The following CACNB2 variants were observed in gnomAD, a reference collection of about 807,000 sequenced individuals.
CACNB2 encodes the protein voltage-dependent L-type calcium channel subunit beta-2.
In CACNB2, 42 loss-of-function variants were observed where a neutral mutation model predicts 73.3. The ratio of observed to expected loss-of-function variants is 0.57; its 90% confidence interval spans 0.45 to 0.74. The LOEUF is 0.74. CACNB2 is among the 30% of genes least tolerant of loss of function. The pLI, the probability that CACNB2 is intolerant of heterozygous loss-of-function variation, is 0.00. For synonymous variants in CACNB2, 348 were observed against 310.3 expected, an observed-to-expected ratio of 1.12 and a Z score of -1.28; for missense variants, 940 against 853.0, an observed-to-expected ratio of 1.10 and a Z score of -1.27.
At chr10:18,304,503 G>T (rs2039651325) in intron 2 of CACNB2, among the ~76,000 whole-genome samples, 1 of 147,396 alleles carries the variant, frequency 6.8e-6, no homozygotes, top group Non-Finnish European at 1.5e-5. Context: ...ATAAGCCTGT[G>T]CTCTTTTTCA....
intron 3 of CACNB2, among the ~76,000 whole-genome samples, chr10:18,474,853 C>T (rs2048360914): frequency 6.6e-6 from 1 of 151,812 alleles, no homozygotes; most frequent in South Asian, 2.1e-4. Context: ...ACCTTATCTA[C>T]CTGGAGTTAG....
At chr10:18,527,556 TTAA>T (rs2052603393) in intron 9 of CACNB2, 29 bp from the exon 10 acceptor site, 1 of 1,426,550 alleles carries the variant, frequency 7.0e-7, no homozygotes, top group African/African-American at 1.4e-5. Flanking sequence ...ACCAATAACC[TTAA>T]GGTCTTCTGT....
chr10:18,264,568 G>A (rs568449450), intron 2 of CACNB2, among the ~76,000 whole-genome samples: 158 of 152,260 alleles, frequency 1.0e-3, no homozygotes, highest in African/African-American at 3.5e-3. Context: ...CTAACATGGT[G>A]GATTGGTTTT....
rs112777236 is a variant in CACNB2 at position 18,150,765 on chromosome 10, A to G, written c.121-118A>G. The G allele has an allele frequency of 5.5e-4, 351 of 636,930 alleles. 4 individuals are homozygous for G. Among genetic ancestry groups the G allele is most frequent in the African/African-American group, 5.5e-3 (294 of 53,902 alleles). 39.5% of individuals were successfully genotyped at this position (636,930 alleles called of 1,614,324 possible). On this transcript the variant is annotated intron_variant, in intron 1 of 13. Coordinates refer to ENST00000324631, the MANE Select transcript of CACNB2 (RefSeq NM_201596.3). ...TTAACTTTCTAATGATGCTTACATGATGGCAATGTATTACTTGTTTTTGGT... is the reference window on the plus strand; with the variant it reads ...TTAACTTTCTAATGATGCTTACATGGTGGCAATGTATTACTTGTTTTTGGT...
chr10:18,166,836 T>C (rs1014690983), intron 2 of CACNB2, among the ~76,000 whole-genome samples: 6 of 152,168 alleles, frequency 3.9e-5, no homozygotes, highest in African/African-American at 1.4e-4. Flanking sequence ...ATGGCACATG[T>C]ATACATATGT....
chr10:18,195,805 G>C (rs946522410), intron 2 of CACNB2, among the ~76,000 whole-genome samples: 27 of 152,206 alleles, frequency 1.8e-4, no homozygotes, highest in African/African-American at 6.5e-4. Context: ...AAAAAAAGCA[G>C]TAAAAGCTGT....
intron 3 of CACNB2, among the ~76,000 whole-genome samples, chr10:18,414,701 T>A (rs952252669): frequency 3.9e-5 from 6 of 152,118 alleles, no homozygotes; most frequent in African/African-American, 1.4e-4. Context: ...GCCAGGCTGC[T>A]CTCATAGACT....
chr10:18,263,037 T>G (rs1169824736), intron 2 of CACNB2, among the ~76,000 whole-genome samples: 1 of 152,164 alleles, frequency 6.6e-6, no homozygotes, highest in Non-Finnish European at 1.5e-5. Context: ...ATAAAAGAAA[T>G]GCATACCCTT....
At chr10:18,403,401 T>C (rs2044113123) in intron 3 of CACNB2, among the ~76,000 whole-genome samples, 1 of 152,184 alleles carries the variant, frequency 6.6e-6, no homozygotes, top group Non-Finnish European at 1.5e-5. Flanking sequence ...TATTTTGCAT[T>C]GTGTGTAAAG....
chr10:18,433,860 T>A (rs2046004311), intron 3 of CACNB2, among the ~76,000 whole-genome samples: 1 of 148,036 alleles, frequency 6.8e-6, no homozygotes, highest in African/African-American at 2.5e-5. Flanking sequence ...AAAACTATTG[T>A]CTTAAATCAG....
intron 2 of CACNB2, among the ~76,000 whole-genome samples, chr10:18,347,048 AG>A (rs1564455492): frequency 6.6e-6 from 1 of 152,242 alleles, no homozygotes; most frequent in South Asian, 2.1e-4. Context: ...CCTTTTAGAA[AG>A]TCTGTTTCAT....
At chr10:18,529,288 T>TC (rs1307893836) in intron 10 of CACNB2, among the ~76,000 whole-genome samples, 1 of 152,222 alleles carries the variant, frequency 6.6e-6, no homozygotes, top group Non-Finnish European at 1.5e-5. Context: ...AAATGAATTT[T>TC]CCAGTCTATG....
At chr10:18,367,180 G>T (rs570460767) in intron 2 of CACNB2, among the ~76,000 whole-genome samples, 1 of 150,024 alleles carries the variant, frequency 6.7e-6, no homozygotes, top group African/African-American at 2.5e-5. Flanking sequence ...AGTGCTTGTT[G>T]TCACTAACAG....
chr10:18,492,632 A>AG (rs1257225383), intron 3 of CACNB2, among the ~76,000 whole-genome samples: 1 of 136,350 alleles, frequency 7.3e-6, no homozygotes, highest in Admixed American at 7.0e-5. Context: ...AAAAAAAAAA[A>AG]AAAAAAGAAA....
At chr10:18,210,948 A>C (rs1235577956) in intron 2 of CACNB2, among the ~76,000 whole-genome samples, 1 of 152,214 alleles carries the variant, frequency 6.6e-6, no homozygotes, top group Non-Finnish European at 1.5e-5. Context: ...CAAGTTTCTC[A>C]GCCTTTGTAA....
intron 7 of CACNB2, among the ~76,000 whole-genome samples, chr10:18,515,627 G>A (rs969798021): frequency 6.6e-6 from 1 of 152,184 alleles, no homozygotes; most frequent in Non-Finnish European, 1.5e-5. Context: ...AGCACTCTGG[G>A]CAAAAATTGC....
At chr10:18,484,650 A>G (rs1476742630) in intron 3 of CACNB2, among the ~76,000 whole-genome samples, 2 of 152,164 alleles carry the variant, frequency 1.3e-5, no homozygotes, top group Non-Finnish European at 2.9e-5. Context: ...CCCAGTGTAG[A>G]CACAAGCTCC....
intron 2 of CACNB2, among the ~76,000 whole-genome samples, chr10:18,381,930 G>A (rs1463242794): frequency 6.6e-6 from 1 of 151,958 alleles, no homozygotes. Flanking sequence ...GGCATCGCCT[G>A]GGACATCATA....
rs371985646 is a variant in CACNB2, at chr10:18,498,402, G to A, written c.381G>A (p.Ala127=). The part of the protein sequence containing the change: ...FAVRTNVSYS[A]AHEDDVPVPG... ...TTCGGACAAATGTCAGCTACAGTGC[G>A]GCCCATGAAGATGATGTTCCAGTGC... Residue 127 remains alanine (A), a synonymous_variant, in exon 4 of 14, where the codon GCG becomes GCA. Transcript: ENST00000324631. 20 of 1,613,908 alleles carry A rather than the reference G, an allele frequency of 1.2e-5. No homozygotes were observed. Among genetic ancestry groups the A allele is most frequent in the Middle Eastern group, 1.6e-4 (1 of 6,084 alleles).
Sources: gnomAD v4.1 joint callset for allele counts (sites outside exome capture counted in the v4.1 genomes callset) on GRCh38, gnomAD v4.1.1 for gene constraint, MANE v1.5 for transcripts, NCBI Gene and HGNC (gene_info 2026-07-23, HGNC 2026-07-21) for gene names.